Variants in KCNN2 observed in about 807,000 individuals in gnomAD.
KCNN2 encodes small conductance calcium-activated potassium channel protein 2.
In KCNN2, 24 loss-of-function variants were observed where a neutral mutation model predicts 55.5. The observed-to-expected ratio is 0.43, with a 90% CI of 0.31 to 0.61. The LOEUF (loss-of-function observed/expected upper bound fraction) is 0.61, where lower values mean the gene tolerates loss of function less well. KCNN2 is among the 20% of genes least tolerant of loss of function. KCNN2 has a pLI of 0.08. For missense variants in KCNN2, 754 were observed against 853.6 expected, an observed-to-expected ratio of 0.88 and a Z score of 1.45; for synonymous variants, 431 against 336.1, an observed-to-expected ratio of 1.28 and a Z score of -3.09.
intron 1 of KCNN2, among the ~76,000 whole-genome samples, chr5:114,156,269 G>A (rs1752633104): frequency 6.6e-6 from 1 of 152,136 alleles, no homozygotes; most frequent in African/African-American, 2.4e-5. Context: ...GTACCATGCT[G>A]TTTTGGTTAC....
At chr5:114,101,666 T>C (rs1472606007) in intron 1 of KCNN2, among the ~76,000 whole-genome samples, 2 of 151,920 alleles carry the variant, frequency 1.3e-5, no homozygotes, top group Non-Finnish European at 2.9e-5. Flanking sequence ...CCCCCACTTA[T>C]GAGTGAGAAC....
intron 2 of KCNN2, among the ~76,000 whole-genome samples, chr5:114,312,434 C>CATATATATATATATATATAT (rs59964515): frequency 1.3e-4 from 3 of 23,422 alleles, no homozygotes; most frequent in African/African-American, 1.5e-4. Context: ...CACACACACA[C>CATATATATATATATATATAT]ATATATATAT....
intron 1 of KCNN2, among the ~76,000 whole-genome samples, chr5:114,161,479 C>G (rs1752780809): frequency 6.6e-6 from 1 of 151,302 alleles, no homozygotes; most frequent in Non-Finnish European, 1.5e-5. Context: ...AATTATGTGT[C>G]TTGGAGTTGC....
At chr5:114,340,867 C>T (rs1757003611) in intron 2 of KCNN2, among the ~76,000 whole-genome samples, 1 of 152,206 alleles carries the variant, frequency 6.6e-6, no homozygotes, top group South Asian at 2.1e-4. Context: ...CCCCTGGCAA[C>T]TACCATTCTA....
At chr5:114,203,852 C>A (rs561008287) in intron 1 of KCNN2, among the ~76,000 whole-genome samples, 1 of 152,314 alleles carries the variant, frequency 6.6e-6, no homozygotes, top group East Asian at 1.9e-4. Context: ...AGCATCTATT[C>A]AGAAACTATA....
Position 114,282,440 on chromosome 5 carries a change from A to G in KCNN2, c.-185+60875A>G, listed in dbSNP as rs117740466. On this transcript the variant is annotated intron_variant, in intron 2 of 10. Coordinates refer to the KCNN2 transcript ENST00000512097. ...TTTATAATCAAGCTAGACATTATGA[A>G]TGTCTTTTTAAGTTTTTGCTATTAC... 8.5e-5 allele frequency among the ~76,000 whole-genome samples: 13 copies of G among 152,264 alleles called. No individual in the cohort carries two copies. In the East Asian group the frequency reaches 2.5e-3, roughly 29 times the overall value.
chr5:114,208,232 A>G (rs1386702748), intron 1 of KCNN2, among the ~76,000 whole-genome samples: 1 of 152,208 alleles, frequency 6.6e-6, no homozygotes, highest in African/African-American at 2.4e-5. Flanking sequence ...TGGATCCTGA[A>G]ATTGAACGGA....
intron 2 of KCNN2, among the ~76,000 whole-genome samples, chr5:114,355,840 T>C (rs2150041847): frequency 6.6e-6 from 1 of 152,106 alleles, no homozygotes; most frequent in South Asian, 2.1e-4. Flanking sequence ...GATAGAAGAG[T>C]GTGTCTGAAT....
chr5:114,246,915 AGAAGGAAAC>A (rs1162609552), intron 2 of KCNN2, among the ~76,000 whole-genome samples: 1 of 152,000 alleles, frequency 6.6e-6, no homozygotes, highest in Admixed American at 6.6e-5. Context: ...TTGAGAAGGT[AGAAGGAAAC>A]GAAGGAAACA....
chr5:114,278,663 G>T (rs888851345), intron 2 of KCNN2, among the ~76,000 whole-genome samples: 5 of 152,204 alleles, frequency 3.3e-5, no homozygotes, highest in Non-Finnish European at 7.3e-5. Flanking sequence ...GTGGGCATGG[G>T]ACCTGCCAAG....
At chr5:114,121,076 C>A (rs189962673) in intron 1 of KCNN2, among the ~76,000 whole-genome samples, 1 of 152,324 alleles carries the variant, frequency 6.6e-6, no homozygotes, top group Non-Finnish European at 1.5e-5. Context: ...GTAGTGCCAT[C>A]CAGTCAGGGT....
chr5:114,204,088 C>A (rs1303489422), intron 1 of KCNN2, among the ~76,000 whole-genome samples: 1 of 152,068 alleles, frequency 6.6e-6, no homozygotes, highest in East Asian at 1.9e-4. Flanking sequence ...GGAAGTTCAC[C>A]TTTAACTTTA....
At chr5:114,353,011 TGGC>T in intron 2 of KCNN2, among the ~76,000 whole-genome samples, 1 of 151,972 alleles carries the variant, frequency 6.6e-6, no homozygotes, top group East Asian at 1.9e-4. Context: ...ATTATTGAAT[TGGC>T]TAATTGTACT....
intron 1 of KCNN2, among the ~76,000 whole-genome samples, chr5:114,219,201 G>T (rs1193042000): frequency 6.6e-6 from 1 of 152,190 alleles, no homozygotes; most frequent in Non-Finnish European, 1.5e-5. Flanking sequence ...TGCTATTTTA[G>T]CTCTGCCATC....
chr5:114,486,587 T>C (rs182591457), intron 5 of KCNN2: 254 of 399,452 alleles, frequency 6.4e-4, no homozygotes, highest in African/African-American at 4.4e-3. Context: ...GATGTACTTA[T>C]ACATTCAGCA....
At chr5:114,206,676 C>T (rs1168245174) in intron 1 of KCNN2, among the ~76,000 whole-genome samples, 1 of 152,110 alleles carries the variant, frequency 6.6e-6, no homozygotes, top group East Asian at 1.9e-4. Context: ...TCTCCCCTGA[C>T]TCCAGTTCAT....
At chr5:114,084,612 C>G (rs1182497033) in intron 1 of KCNN2, among the ~76,000 whole-genome samples, 1 of 151,902 alleles carries the variant, frequency 6.6e-6, no homozygotes, top group African/African-American at 2.4e-5. Flanking sequence ...CCCAATGTCA[C>G]CTGTCTTTTA....
chr5:114,081,845 A>T (rs1463982780), intron 1 of KCNN2, among the ~76,000 whole-genome samples: 2 of 152,206 alleles, frequency 1.3e-5, no homozygotes, highest in East Asian at 3.8e-4. Flanking sequence ...TAAAGTGGGA[A>T]CAATTATTTG....
upstream of KCNN2, among the ~76,000 whole-genome samples, chr5:114,361,700 C>A (rs1757426227): frequency 6.6e-6 from 1 of 152,180 alleles, no homozygotes; most frequent in South Asian, 2.1e-4. Context: ...GTGATCCGGG[C>A]AGCGCGTCCG....
Sources: gnomAD v4.1 joint callset for allele counts (sites outside exome capture counted in the v4.1 genomes callset) on GRCh38, gnomAD v4.1.1 for gene constraint, MANE v1.5 for transcripts, NCBI Gene and HGNC (gene_info 2026-07-23, HGNC 2026-07-21) for gene names.